R3HDM1: variants seen among roughly 807,000 people sequenced by gnomAD.
R3HDM1 encodes R3H domain containing 1.
R3HDM1 carries 46 observed loss-of-function variants against 141.1 expected under a neutral mutation model. The observed-to-expected ratio is 0.33, with a 90% CI of 0.26 to 0.42. R3HDM1 has a LOEUF of 0.42. Among genes scored for constraint, R3HDM1 ranks in the 10% least tolerant of loss-of-function variants. The probability of loss-of-function intolerance (pLI) is 1.00; values close to 1 mark genes in which losing one functional copy is unlikely to be tolerated. For missense variants in R3HDM1, 1,184 were observed against 1,368.3 expected (o/e 0.87, Z 2.12); for synonymous variants, 435 against 472.9 (o/e 0.92, Z 1.04).
chr2:135,634,650 AT>A (rs1180335522), intron 9 of R3HDM1, among the ~76,000 whole-genome samples: 1 of 152,144 alleles, frequency 6.6e-6, no homozygotes, highest in African/African-American at 2.4e-5. Context: ...TCTCTAAAAA[AT>A]TTTTTTAAAA....
intron 1 of R3HDM1, chr2:135,584,385 T>G: frequency 1.1e-6 from 1 of 940,320 alleles, no homozygotes; most frequent in Non-Finnish European, 1.3e-6. Flanking sequence ...TTTGAAAGTT[T>G]TCATTACCTG....
At chr2:135,680,408 A>G in intron 21 of R3HDM1, 84 bp downstream of exon 21, 1 of 1,437,594 alleles carries the variant, frequency 7.0e-7, no homozygotes, top group Non-Finnish European at 9.6e-7. Context: ...AAGTTGACTA[A>G]GGGGCATTAC....
At chr2:135,708,624 C>T (rs1311987373) in intron 21 of R3HDM1, among the ~76,000 whole-genome samples, 3 of 152,112 alleles carry the variant, frequency 2.0e-5, no homozygotes, top group African/African-American at 7.2e-5. Flanking sequence ...GAAAAAACTT[C>T]AGAGATAATG....
intron 23 of R3HDM1, among the ~76,000 whole-genome samples, chr2:135,712,488 T>C (rs935270367): frequency 2.0e-5 from 3 of 149,408 alleles, no homozygotes; most frequent in Non-Finnish European, 4.4e-5. Context: ...CCCAGGCTAG[T>C]CTCAAATTCC....
Position 135,711,677 on chromosome 2 carries a change from AC to A in R3HDM1, c.2736+1449del, listed in dbSNP as rs575914236. Among the ~76,000 whole-genome samples, 664 of 106,440 alleles carry A rather than the reference AC, an allele frequency of 6.2e-3. 4 individuals carry two copies. Among genetic ancestry groups the A allele is most frequent in the African/African-American group, 0.022 (624 of 28,684 alleles). 69.8% of individuals were successfully genotyped at this position (106,440 alleles called of 152,430 possible). A position where few individuals can be genotyped will look rare whatever the true frequency, so the allele number is the denominator to read the frequency against. ...CCAACTCTTTGAAAAAAAAAAAAAAACCCAGGCACAGTGGCTCATGCCTATA... is the reference window on the plus strand; with the variant it reads ...CCAACTCTTTGAAAAAAAAAAAAAAACCAGGCACAGTGGCTCATGCCTATA... On this transcript the variant is annotated intron_variant, in intron 23 of 26. Transcript: ENST00000683871.
In R3HDM1 at chr2:135,550,037, C is replaced by T. The variant is rs555810337; in HGVS notation, c.-250+18404C>T. ...AGCTTTTGGAATGGCAGTTTATATT[C>T]ATAAGACCCAAGTTTAAAATCTTTT... On this transcript the variant is annotated intron_variant, in intron 1 of 26. Coordinates refer to ENST00000683871, the MANE Select transcript of R3HDM1 (RefSeq NM_001378107.1). 1.7e-4 allele frequency: 163 copies of T among 982,352 alleles called. No homozygotes were observed. In the African/African-American group the frequency reaches 2.5e-3, roughly 15 times the overall value. The allele number at this position is 982,352 out of a possible 1,614,324, so 60.9% of individuals were successfully genotyped here. A position where few individuals can be genotyped will look rare whatever the true frequency, so the allele number is the denominator to read the frequency against.
intron 1 of R3HDM1, among the ~76,000 whole-genome samples, chr2:135,600,837 T>C (rs1037657937): frequency 6.6e-6 from 1 of 152,202 alleles, no homozygotes; most frequent in African/African-American, 2.4e-5. Flanking sequence ...GAATGCTGAA[T>C]TACAATATTG....
intron 1 of R3HDM1, among the ~76,000 whole-genome samples, chr2:135,539,566 C>T (rs1353910057): frequency 1.3e-5 from 2 of 151,854 alleles, no homozygotes; most frequent in Non-Finnish European, 2.9e-5. Context: ...GGAGATACTG[C>T]GAGTTCAGTT....
chr2:135,657,726 T>A (rs2066106181), intron 18 of R3HDM1, among the ~76,000 whole-genome samples: 1 of 152,214 alleles, frequency 6.6e-6, no homozygotes, highest in Non-Finnish European at 1.5e-5. Flanking sequence ...TAAAGTTAAC[T>A]TACCCACATA....
intron 1 of R3HDM1, chr2:135,596,866 TG>T (rs1031493274): frequency 4.2e-6 from 1 of 237,306 alleles, no homozygotes; most frequent in African/African-American, 2.3e-5. Context: ...TGAATATTTT[TG>T]TACATGTCCC....
intron 21 of R3HDM1, among the ~76,000 whole-genome samples, chr2:135,690,158 C>T (rs2072099288): frequency 6.6e-6 from 1 of 152,038 alleles, no homozygotes; most frequent in African/African-American, 2.4e-5. Flanking sequence ...TAGTATTTCT[C>T]TAGTGTCCCT....
chr2:135,601,507 A>C (rs1205948297), intron 1 of R3HDM1, among the ~76,000 whole-genome samples: 1 of 152,222 alleles, frequency 6.6e-6, no homozygotes, highest in African/African-American at 2.4e-5. Context: ...ATTTCACCTT[A>C]AAATGTACTA....
intron 18 of R3HDM1, among the ~76,000 whole-genome samples, chr2:135,652,893 A>G (rs575796937): frequency 9.9e-5 from 15 of 151,942 alleles, no homozygotes; most frequent in African/African-American, 3.6e-4. Flanking sequence ...CATGTTTCAA[A>G]TTTGTTGTCA....
intron 21 of R3HDM1, among the ~76,000 whole-genome samples, chr2:135,709,164 C>T (rs140257314): frequency 6.6e-6 from 1 of 151,654 alleles, no homozygotes; most frequent in Non-Finnish European, 1.5e-5. Flanking sequence ...AGCTCTGCCT[C>T]CTGGGTTTAC....
At chr2:135,547,916 G>A (rs1023593157) in intron 1 of R3HDM1, among the ~76,000 whole-genome samples, 16 of 151,914 alleles carry the variant, frequency 1.1e-4, no homozygotes, top group African/African-American at 3.9e-4. Flanking sequence ...TGGGACTACA[G>A]GCGCGTGCCA....
At chr2:135,710,352 C>T (rs2075475336) in intron 23 of R3HDM1, 121 bp downstream of exon 23, 7 of 1,024,138 alleles carry the variant, frequency 6.8e-6, no homozygotes, top group Admixed American at 2.6e-5. Flanking sequence ...GGGCCAGGCG[C>T]GGTGGCTCTC....
At chr2:135,582,651 C>G (rs1368278898) in intron 1 of R3HDM1, among the ~76,000 whole-genome samples, 1 of 152,032 alleles carries the variant, frequency 6.6e-6, no homozygotes, top group Admixed American at 6.5e-5. Context: ...GGAAAAGAAC[C>G]CTCCCTTAGG....
chr2:135,555,076 C>T (rs1283578797), intron 1 of R3HDM1, among the ~76,000 whole-genome samples: 4 of 151,920 alleles, frequency 2.6e-5, no homozygotes, highest in Admixed American at 6.6e-5. Flanking sequence ...CCAAGGTGGG[C>T]GGATCACGAG....
chr2:135,596,299 A>C (rs2059181754), intron 1 of R3HDM1, among the ~76,000 whole-genome samples: 1 of 152,304 alleles, frequency 6.6e-6, no homozygotes, highest in East Asian at 1.9e-4. Flanking sequence ...CGCCCAGCCT[A>C]ATACTAAGCT....
Sources: gnomAD v4.1 joint callset for allele counts (sites outside exome capture counted in the v4.1 genomes callset) on GRCh38, gnomAD v4.1.1 for gene constraint, MANE v1.5 for transcripts, NCBI Gene and HGNC (gene_info 2026-07-23, HGNC 2026-07-21) for gene names.